Variants in ZNF468 observed in about 807,000 individuals in gnomAD.
ZNF468 encodes zinc finger protein ZNF468.
A neutral mutation model predicts 7.2 loss-of-function variants in ZNF468; 8 were observed. The ratio of observed to expected loss-of-function variants is 1.11; its 90% confidence interval spans 0.65 to 2.01. The LOEUF (loss-of-function observed/expected upper bound fraction) is 2.01, where lower values mean the gene tolerates loss of function less well. ZNF468 is among the 30% of genes most tolerant of loss of function. The probability of loss-of-function intolerance (pLI) is 0.00; values close to 1 mark genes in which losing one functional copy is unlikely to be tolerated. For missense variants in ZNF468, 608 were observed against 626.5 expected (o/e 0.97, Z 0.31); for synonymous variants, 218 against 214.4 (o/e 1.02, Z -0.15).
intron 3 of ZNF468, among the ~76,000 whole-genome samples, chr19:52,846,836 A>G (rs2063345077): frequency 6.6e-6 from 1 of 152,034 alleles, no homozygotes; most frequent in Non-Finnish European, 1.5e-5. Context: ...ACCCCCCTCT[A>G]CTAAAAACAC....
In ZNF468 at chr19:52,840,583, C is replaced by CT. The variant is rs2063286423; in HGVS notation, c.*141dup. On this transcript the variant is annotated 3_prime_UTR_variant, in exon 4 of 4. Transcript: ENST00000595646. The stretch of plus-strand genomic sequence containing the variant: ...GTAAGGTTTCTCTCCAGTATGAAGT[C>CT]TATGGTGATGTGCAAAGGTTGCTTT... 7.7e-6 allele frequency: 11 copies of CT among 1,428,530 alleles called. No individual in the cohort carries two copies. Among genetic ancestry groups the CT allele is most frequent in the Non-Finnish European group, 1.1e-5 (11 of 1,013,778 alleles). The allele number at this position is 1,428,530 out of a possible 1,614,324, so 88.5% of individuals were successfully genotyped here.
intron 3 of ZNF468, among the ~76,000 whole-genome samples, chr19:52,846,054 A>G (rs2063339862): frequency 6.6e-6 from 1 of 152,170 alleles, no homozygotes; most frequent in Non-Finnish European, 1.5e-5. Context: ...AGAAACTGGC[A>G]TATGTATACC....
Position 52,840,828 on chromosome 19 carries a change from T to C in ZNF468, c.1466A>G (p.His489Arg). The C allele has an allele frequency of 1.3e-6, 2 of 1,595,664 alleles. No homozygotes were observed. Among genetic ancestry groups the C allele is most frequent in the South Asian group, 1.1e-5 (1 of 87,038 alleles). The change falls in exon 4 of 4, where the codon CAT becomes CGT. Residue 489 changes from histidine (H) to arginine (R), a missense_variant. Physicochemically the swap from His to Arg is conservative, Grantham distance 29. Coordinates refer to ENST00000595646, the MANE Select transcript of ZNF468 (RefSeq NM_001008801.2). The stretch of plus-strand genomic sequence containing the variant: ...ACACTTGTAAGGTTTCTCTCCAGTA[T>C]GAAGCCTACGATGGATTATAAGCGA... The part of the protein sequence containing the change: ...TSSLIIHRRL[H>R]TGEKPYKCNE...
At position 52,842,047 on chromosome 19, in the gene ZNF468, CAAT is replaced by C. The variant is rs1384523755; in HGVS notation, c.244_246del (p.Ile82del). ...TCAATTTCATGGAAACAAAATTCTCCAATGTGATGACTTGCTTGTCTGTGCAAT... is the reference window on the plus strand; with the variant it reads ...TCAATTTCATGGAAACAAAATTCTCCGTGATGACTTGCTTGTCTGTGCAAT... On this transcript the variant is annotated inframe_deletion, in exon 4 of 4. Transcript: ENST00000595646. The C allele has an allele frequency of 2.5e-6, 4 of 1,613,854 alleles. No homozygotes were observed. The African/African-American group carries it at 5.3e-5, about 22-fold the overall frequency.
chr19:52,853,694 AAAT>A (rs1308524301), intron 2 of ZNF468, among the ~76,000 whole-genome samples: 2 of 151,972 alleles, frequency 1.3e-5, no homozygotes, highest in Non-Finnish European at 2.9e-5. Flanking sequence ...CCATCTCAAA[AAAT>A]AATAATAATG....
chr19:52,853,622 C>T lies in ZNF468; in HGVS notation c.15+636G>A, dbSNP rs180955995. 6.9e-4 allele frequency among the ~76,000 whole-genome samples: 105 copies of T among 151,844 alleles called. No homozygotes were observed. The East Asian group carries it at 0.02, about 28-fold the overall frequency. On this transcript the variant is annotated intron_variant, in intron 2 of 3. Transcript: ENST00000595646. ...AGGAGAATCACTTGAACCCAGGAGG[C>T]GGAGGTTGCGGTGAGTTGAGATCGC...
Position 52,838,239 on chromosome 19 carries a change from A to G in ZNF468, c.*2486T>C, listed in dbSNP as rs1331376047. On this transcript the variant is annotated 3_prime_UTR_variant, in exon 4 of 4. Transcript: ENST00000595646. ...CAATGTGATATACCACTTGAACACAATGAAAGATGAAAACCACATCATCTC... is the reference window on the plus strand; with the variant it reads ...CAATGTGATATACCACTTGAACACAGTGAAAGATGAAAACCACATCATCTC... 1.2e-4 allele frequency: 18 copies of G among 152,198 alleles called. No individual in the cohort carries two copies. The highest frequency in any genetic ancestry group is 1.2e-3 in the Admixed American group (18 of 15,280). 9.4% of individuals were successfully genotyped at this position (152,198 alleles called of 1,614,324 possible).
chr19:52,856,333 C>A (rs2063438394), intron 1 of ZNF468, among the ~76,000 whole-genome samples: 1 of 151,998 alleles, frequency 6.6e-6, no homozygotes, highest in African/African-American at 2.4e-5. Flanking sequence ...CCAACCTGGC[C>A]AACATGGTGA....
In ZNF468 at chr19:52,838,911, T is replaced by C. The variant is rs2063270481; in HGVS notation, c.*1814A>G. The C allele has an allele frequency of 6.6e-6, 1 of 152,182 alleles. No homozygotes were observed. Among genetic ancestry groups the C allele is most frequent in the South Asian group, 2.1e-4 (1 of 4,828 alleles). 9.4% of individuals were successfully genotyped at this position (152,182 alleles called of 1,614,324 possible). ...AATGATTATATACTCAATTGTGATT[T>C]AGATTCGGTACAATACTCATAGAAG... is the stretch of plus-strand genomic sequence containing the variant. On this transcript the variant is annotated 3_prime_UTR_variant, in exon 4 of 4. Coordinates refer to ENST00000595646, the MANE Select transcript of ZNF468 (RefSeq NM_001008801.2).
intron 3 of ZNF468, among the ~76,000 whole-genome samples, chr19:52,842,909 A>G (rs2063317051): frequency 6.7e-6 from 1 of 150,160 alleles, no homozygotes; most frequent in South Asian, 2.1e-4. Context: ...GGATCACCTC[A>G]GGTCAGGAGT....
At position 52,840,363 on chromosome 19, in the gene ZNF468, G is replaced by A. The variant is rs899742643; in HGVS notation, c.*362C>T. 6.1e-5 allele frequency: 29 copies of A among 476,470 alleles called. 1 individual carries two copies. The highest frequency in any genetic ancestry group is 3.8e-4 in the Middle Eastern group (1 of 2,638). The allele number at this position is 476,470 out of a possible 1,614,324, so 29.5% of individuals were successfully genotyped here. A position where few individuals can be genotyped will look rare whatever the true frequency, so the allele number is the denominator to read the frequency against. ...TTACAAGGTGTGAATTTTGACCAAC[G>A]GTCTTGCCACACTCATTACACTTAT... On this transcript the variant is annotated 3_prime_UTR_variant, in exon 4 of 4. Coordinates refer to ENST00000595646, the MANE Select transcript of ZNF468 (RefSeq NM_001008801.2).
chr19:52,849,400 C>A, intron 2 of ZNF468, 187 bp from the exon 3 acceptor site: 1 of 1,154,366 alleles, frequency 8.7e-7, no homozygotes, highest in Non-Finnish European at 1.2e-6. Flanking sequence ...TGAGTATTAT[C>A]AAGACATACT....
intron 3 of ZNF468, among the ~76,000 whole-genome samples, chr19:52,847,613 T>C (rs1290419202): frequency 6.6e-6 from 1 of 152,042 alleles, no homozygotes; most frequent in Admixed American, 6.6e-5. Flanking sequence ...TCTTCTGAGA[T>C]AGGAGGAAAG....
At chr19:52,850,773 C>T (rs920158041) in intron 2 of ZNF468, among the ~76,000 whole-genome samples, 7 of 151,804 alleles carry the variant, frequency 4.6e-5, no homozygotes, top group Non-Finnish European at 7.4e-5. Flanking sequence ...GTGGCGGGCG[C>T]CTGTAGTCCC....
rs1227791862 is a variant in ZNF468, at chr19:52,841,924, C to T, written c.370G>A (p.Gly124Ser). ...TEIKELAGST[G>S]QHDQRHAGNK... The stretch of plus-strand genomic sequence containing the variant: ...CCAGCATGCCTTTGATCATGTTGGC[C>T]TGTACTACCAGCCAACTCTTTGATT... The change falls in exon 4 of 4, where the codon GGC becomes AGC. Residue 124 changes from glycine to serine, a missense_variant. By Grantham distance (56) the Gly-to-Ser change is moderately conservative. Transcript: ENST00000595646. 1.2e-6 allele frequency: 2 copies of T among 1,613,916 alleles called. No individual in the cohort carries two copies. The highest frequency in any genetic ancestry group is 2.2e-5 in the South Asian group (2 of 91,042).
At position 52,840,283 on chromosome 19, in the gene ZNF468, G is replaced by A. The variant is rs1568672390; in HGVS notation, c.*442C>T. On this transcript the variant is annotated 3_prime_UTR_variant, in exon 4 of 4. Transcript: ENST00000595646. ...TTAAAAACCATGTCACATTCATTGT[G>A]CTTGTAAGGTTTCTCTCCACTATGA... 3 of 405,508 alleles carry A rather than the reference G, an allele frequency of 7.4e-6. No homozygotes were observed. The highest frequency in any genetic ancestry group is 6.2e-5 in the African/African-American group (3 of 48,212). 25.1% of individuals were successfully genotyped at this position (405,508 alleles called of 1,614,324 possible). A position where few individuals can be genotyped will look rare whatever the true frequency, so the allele number is the denominator to read the frequency against.
chr19:52,857,396 GC>G (rs926997471), intron 1 of ZNF468, among the ~76,000 whole-genome samples, 175 bp downstream of exon 1: 1 of 152,234 alleles, frequency 6.6e-6, no homozygotes, highest in Non-Finnish European at 1.5e-5. Flanking sequence ...CAGCCTCAGG[GC>G]GACTTTAAAC....
At chr19:52,847,325 C>A (rs1405849473) in intron 3 of ZNF468, among the ~76,000 whole-genome samples, 3 of 151,612 alleles carry the variant, frequency 2.0e-5, no homozygotes, top group Non-Finnish European at 2.9e-5. Flanking sequence ...CTCAGTTAAC[C>A]AGGGACACAA....
chr19:52,855,059 T>A (rs528661026), intron 1 of ZNF468, among the ~76,000 whole-genome samples: 1 of 151,956 alleles, frequency 6.6e-6, no homozygotes, highest in East Asian at 1.9e-4. Context: ...ACACCTGTAA[T>A]CTTAGCTACT....
Sources: allele counts gnomAD v4.1 joint callset (sites outside exome capture counted in the v4.1 genomes callset), GRCh38; gene constraint gnomAD v4.1.1; transcripts MANE v1.5; gene names NCBI Gene and HGNC (gene_info 2026-07-23, HGNC 2026-07-21).